CACNA1E: variants seen among roughly 807,000 people sequenced by gnomAD.
CACNA1E encodes the protein calcium voltage-gated channel subunit alpha1 E.
CACNA1E carries 40 observed loss-of-function variants against 259.2 expected under a neutral mutation model. That is an observed-to-expected ratio of 0.15 (90% confidence interval 0.12 to 0.20). The LOEUF (loss-of-function observed/expected upper bound fraction) is 0.20. Among genes scored for constraint, CACNA1E ranks in the 10% least tolerant of loss-of-function variants. The probability of loss-of-function intolerance (pLI) is 1.00; values close to 1 mark genes in which losing one functional copy is unlikely to be tolerated. For missense variants in CACNA1E, 1,874 were observed against 3,040.1 expected, an observed-to-expected ratio of 0.62 and a Z score of 9.02; for synonymous variants, 1,104 against 1,138.5, an observed-to-expected ratio of 0.97 and a Z score of 0.61.
At position 181,774,985 on chromosome 1, in the gene CACNA1E, C is replaced by T. The variant is rs558498607; in HGVS notation, c.5140-1116C>T. ...GCTTGATATGGGGCTCAGATGATATCACCAGGTCCAGGTTTCTCTCTATTT... is the reference window on the plus strand; with the variant it reads ...GCTTGATATGGGGCTCAGATGATATTACCAGGTCCAGGTTTCTCTCTATTT... On this transcript the variant is annotated intron_variant, in intron 37 of 47. Coordinates refer to ENST00000367573, the MANE Select transcript of CACNA1E (RefSeq NM_001205293.3). Among the ~76,000 whole-genome samples, 3 of 152,304 alleles carry T rather than the reference C, an allele frequency of 2.0e-5. No homozygotes were observed. In the South Asian group the frequency reaches 6.2e-4, roughly 32 times the overall value.
chr1:181,680,297 T>C (rs980124935), intron 7 of CACNA1E, among the ~76,000 whole-genome samples: 8 of 152,050 alleles, frequency 5.3e-5, no homozygotes, highest in Non-Finnish European at 1.2e-4. Context: ...GTGGTTCCTA[T>C]GTCCTTCTTG....
intron 3 of CACNA1E, among the ~76,000 whole-genome samples, chr1:181,566,601 T>G (rs10910961): frequency 0.01 from 1,537 of 152,274 alleles, 28 homozygotes; most frequent in African/African-American, 0.035. Flanking sequence ...TTGGGGAACC[T>G]CTTCTTGAGG....
chr1:181,738,775 G>A (rs1656294921), intron 24 of CACNA1E, among the ~76,000 whole-genome samples: 1 of 152,138 alleles, frequency 6.6e-6, no homozygotes, highest in Non-Finnish European at 1.5e-5. Flanking sequence ...AGTCTTCCTG[G>A]GCTTCATCTA....
At chr1:181,585,888 G>T (rs1652011060) in intron 6 of CACNA1E, among the ~76,000 whole-genome samples, 1 of 152,202 alleles carries the variant, frequency 6.6e-6, no homozygotes, top group African/African-American at 2.4e-5. Context: ...CCATTATACA[G>T]ACTCTGGTTT....
At chr1:181,787,864 C>T (rs768015982) in intron 43 of CACNA1E, among the ~76,000 whole-genome samples, 1 of 152,126 alleles carries the variant, frequency 6.6e-6, no homozygotes, top group East Asian at 1.9e-4. Context: ...GCATGGAGAG[C>T]TCAGGGGATG....
chr1:181,346,019 C>T (rs1043082512), intron 1 of CACNA1E, among the ~76,000 whole-genome samples: 24 of 152,324 alleles, frequency 1.6e-4, no homozygotes, highest in Non-Finnish European at 1.6e-4. Context: ...GCCAACCGGA[C>T]GTGCAAGATT....
At chr1:181,448,251 T>G (rs1253270769) in intron 2 of CACNA1E, among the ~76,000 whole-genome samples, 3 of 152,260 alleles carry the variant, frequency 2.0e-5, no homozygotes, top group Non-Finnish European at 1.5e-5. Flanking sequence ...TAGCTTTTTT[T>G]GAGCACCTAC....
intron 39 of CACNA1E, among the ~76,000 whole-genome samples, chr1:181,782,463 T>C (rs61813240): frequency 0.021 from 3,251 of 152,324 alleles, 53 homozygotes; most frequent in Non-Finnish European, 0.031. Context: ...GAACACATCA[T>C]AGTAATGTTT....
chr1:181,348,189 C>T (rs776138538), intron 1 of CACNA1E, among the ~76,000 whole-genome samples: 33 of 151,930 alleles, frequency 2.2e-4, no homozygotes, highest in South Asian at 1.3e-3. Context: ...GATGGGGTCT[C>T]GGTGGACAGA....
At chr1:181,580,215 C>T (rs919474618) in intron 5 of CACNA1E, among the ~76,000 whole-genome samples, 1 of 152,098 alleles carries the variant, frequency 6.6e-6, no homozygotes, top group African/African-American at 2.4e-5. Context: ...CCAAGAAACC[C>T]AGGAAGAACT....
At chr1:181,678,392 G>A (rs1384923531) in intron 7 of CACNA1E, among the ~76,000 whole-genome samples, 1 of 152,062 alleles carries the variant, frequency 6.6e-6, no homozygotes, top group East Asian at 1.9e-4. Context: ...ACCTGAAAAG[G>A]CACCACTGTC....
At position 181,485,303 on chromosome 1, in the gene CACNA1E, G is replaced by C. The variant is rs184686667; in HGVS notation, c.266+1293G>C. On this transcript the variant is annotated intron_variant, in intron 1 of 47. Transcript: ENST00000367573. This position sits in a 1 kb window ranked among gnomAD's most constrained non-coding sequence, Gnocchi z 4.2. The stretch of plus-strand genomic sequence containing the variant: ...CAGACACGCGGCTCATTTCCCCCAG[G>C]GCCTGGGCATCTCCCTACTCCCCCA... 2.0e-5 allele frequency among the ~76,000 whole-genome samples: 3 copies of C among 152,042 alleles called. No homozygotes were observed. The highest frequency in any genetic ancestry group is 7.3e-5 in the African/African-American group (3 of 41,368).
At chr1:181,472,402 C>T (rs189415467) in intron 2 of CACNA1E, among the ~76,000 whole-genome samples, 2 of 152,196 alleles carry the variant, frequency 1.3e-5, no homozygotes, top group East Asian at 3.8e-4. Context: ...AAAAAAGTAA[C>T]TATGTGAGAT....
At chr1:181,675,181 G>A (rs1196192925) in intron 7 of CACNA1E, among the ~76,000 whole-genome samples, 2 of 152,156 alleles carry the variant, frequency 1.3e-5, no homozygotes, top group African/African-American at 4.8e-5. Context: ...GACACAGCAT[G>A]TTCGTGGTTT....
At chr1:181,563,238 C>T (rs113135364) in intron 3 of CACNA1E, among the ~76,000 whole-genome samples, 6 of 152,078 alleles carry the variant, frequency 3.9e-5, no homozygotes, top group Admixed American at 6.5e-5. Context: ...TCCTAGGAGG[C>T]GGATTGCCTA....
chr1:181,480,548 A>G (rs1571969554), upstream of CACNA1E, among the ~76,000 whole-genome samples: 1 of 152,222 alleles, frequency 6.6e-6, no homozygotes, highest in Non-Finnish European at 1.5e-5. Context: ...TACAACAGCC[A>G]AAGAGAATAC....
intron 7 of CACNA1E, among the ~76,000 whole-genome samples, chr1:181,654,014 A>G (rs1218807050): frequency 6.6e-6 from 1 of 152,196 alleles, no homozygotes; most frequent in Non-Finnish European, 1.5e-5. Context: ...ACATAAGAAC[A>G]AAAAACAAAA....
At chr1:181,658,625 G>C (rs895868491) in intron 7 of CACNA1E, among the ~76,000 whole-genome samples, 1 of 152,170 alleles carries the variant, frequency 6.6e-6, no homozygotes, top group Non-Finnish European at 1.5e-5. Context: ...ATGTTCGATT[G>C]ATCCAGCTGT....
chr1:181,443,913 G>A (rs1264407023), intron 2 of CACNA1E, among the ~76,000 whole-genome samples: 2 of 152,248 alleles, frequency 1.3e-5, no homozygotes, highest in Non-Finnish European at 2.9e-5. Flanking sequence ...TAGTTTCATA[G>A]TACACTGATG....
Sources: gnomAD v4.1 joint callset for allele counts (sites outside exome capture counted in the v4.1 genomes callset) on GRCh38, gnomAD v4.1.1 for gene constraint, Gnocchi (gnomAD v3.1) non-coding constraint, MANE v1.5 for transcripts, NCBI Gene and HGNC (gene_info 2026-07-23, HGNC 2026-07-21) for gene names.